SPOCK3: variants seen among roughly 807,000 people sequenced by gnomAD.
SPOCK3 encodes the protein testican-3.
A neutral mutation model predicts 56.6 loss-of-function variants in SPOCK3; 30 were observed. That is an observed-to-expected ratio of 0.53 (90% confidence interval 0.40 to 0.72). SPOCK3 has a LOEUF of 0.72. Ranked by LOEUF, SPOCK3 falls within the 30% of genes least tolerant of loss-of-function variation. The probability of loss-of-function intolerance (pLI) is 0.00; values close to 1 mark genes in which losing one functional copy is unlikely to be tolerated. For missense variants in SPOCK3, 527 were observed against 530.0 expected (o/e 0.99, Z 0.06); for synonymous variants, 196 against 183.3 (o/e 1.07, Z -0.56).
Position 166,852,954 on chromosome 4 carries a change from T to C in SPOCK3, c.589+36176A>G, listed in dbSNP as rs554835980. On this transcript the variant is annotated intron_variant, in intron 6 of 10. Coordinates refer to ENST00000357545, the MANE Select transcript of SPOCK3 (RefSeq NM_001040159.2). The stretch of plus-strand genomic sequence containing the variant: ...AGTATATGAACTGCCTGTAAAAGTC[T>C]GAATTAGTGAGACCACCTTTGGACT... Among the ~76,000 whole-genome samples, 7 of 152,326 alleles carry C rather than the reference T, an allele frequency of 4.6e-5. No homozygotes were observed. The South Asian group carries it at 1.4e-3, about 32-fold the overall frequency.
Position 167,144,995 on chromosome 4 carries a change from G to A in SPOCK3, c.190-82458C>T, listed in dbSNP as rs571266321. ...TATTTTCAGAAGGACCACTCGAAAT[G>A]CTGTTCAGAAAAAAAAAACTGTAAC... On this transcript the variant is annotated intron_variant, in intron 2 of 10. Transcript: ENST00000357545. 1.6e-4 allele frequency among the ~76,000 whole-genome samples: 25 copies of A among 151,734 alleles called. No homozygotes were observed. The East Asian group carries it at 4.7e-3, about 28-fold the overall frequency.
intron 6 of SPOCK3, among the ~76,000 whole-genome samples, chr4:166,860,231 G>A (rs752942981): frequency 6.6e-6 from 1 of 152,094 alleles, no homozygotes; most frequent in Non-Finnish European, 1.5e-5. Context: ...TAGCATTGAT[G>A]CCTATTTAGC....
At chr4:166,978,200 T>C (rs965997593) in intron 4 of SPOCK3, among the ~76,000 whole-genome samples, 1 of 152,188 alleles carries the variant, frequency 6.6e-6, no homozygotes, top group Non-Finnish European at 1.5e-5. Context: ...TAATTCTTAC[T>C]TCTCTTTCCA....
chr4:166,978,473 A>T lies in SPOCK3; in HGVS notation c.350+21876T>A, dbSNP rs10213651. ...TTTTAAGGTCAGAGATGAATAAAAA[A>T]CACAGATGAATTTATTTTGTGCTGC... On this transcript the variant is annotated intron_variant, in intron 4 of 10. Coordinates refer to ENST00000357545, the MANE Select transcript of SPOCK3 (RefSeq NM_001040159.2). Among the ~76,000 whole-genome samples the T allele has an allele frequency of 4.8e-3, 731 of 152,316 alleles. 4 individuals are homozygous for T. Among genetic ancestry groups the T allele is most frequent in the African/African-American group, 0.017 (698 of 41,578 alleles).
intron 6 of SPOCK3, among the ~76,000 whole-genome samples, chr4:166,868,017 G>A (rs914051607): frequency 6.6e-6 from 1 of 151,930 alleles, no homozygotes; most frequent in African/African-American, 2.4e-5. Flanking sequence ...TAAGTTTTGA[G>A]AATTTAAACT....
chr4:166,889,014 T>C (rs1734485888), intron 6 of SPOCK3, 116 bp downstream of exon 6: 1 of 671,644 alleles, frequency 1.5e-6, no homozygotes, highest in Non-Finnish European at 2.7e-6. Flanking sequence ...ATATAAATGA[T>C]ATTGGGTATT....
At position 167,116,909 on chromosome 4, in the gene SPOCK3, G is replaced by GTATATATATATATATATATATA. The variant is rs1446671235; in HGVS notation, c.190-54373_190-54372insTATATATATATATATATATATA. Among the ~76,000 whole-genome samples the GTATATATATATATATATATATA allele has an allele frequency of 3.7e-3, 461 of 123,198 alleles. 6 individuals carry two copies. Among genetic ancestry groups the GTATATATATATATATATATATA allele is most frequent in the Non-Finnish European group, 6.6e-3 (370 of 56,456 alleles). The allele number at this position is 123,198 out of a possible 152,430, so 80.8% of individuals were successfully genotyped here. ...TATACATATATACTTTTGTGTGTGTGTGTGTATATATATATATATATATAC... is the reference window on the plus strand; with the variant it reads ...TATACATATATACTTTTGTGTGTGTGTATATATATATATATATATATATGTGTATATATATATATATATATAC... On this transcript the variant is annotated intron_variant, in intron 2 of 10. Coordinates refer to ENST00000357545, the MANE Select transcript of SPOCK3 (RefSeq NM_001040159.2).
rs544600701 is a variant in SPOCK3, at chr4:167,226,538, C to T, written c.189+7447G>A. On this transcript the variant is annotated intron_variant, in intron 2 of 10. Coordinates refer to ENST00000357545, the MANE Select transcript of SPOCK3 (RefSeq NM_001040159.2). ...TGATTGAAAGAGCATAACCAGATAC[C>T]GTAGTTACCAACATTTTCTCCGAGT... 2.1e-4 allele frequency among the ~76,000 whole-genome samples: 32 copies of T among 152,168 alleles called. 1 individual carries two copies. The South Asian group carries it at 6.0e-3, about 29-fold the overall frequency.
At chr4:166,868,216 T>C (rs1380239524) in intron 6 of SPOCK3, among the ~76,000 whole-genome samples, 1 of 150,676 alleles carries the variant, frequency 6.6e-6, no homozygotes, top group Admixed American at 6.7e-5. Flanking sequence ...GATGGTGAGA[T>C]GGGAGGATCA....
At chr4:167,108,260 A>C (rs1207023411) in intron 2 of SPOCK3, among the ~76,000 whole-genome samples, 1 of 151,840 alleles carries the variant, frequency 6.6e-6, no homozygotes, top group African/African-American at 2.4e-5. Context: ...TCCTCAAAAA[A>C]CTAAAAATTG....
chr4:167,034,038 T>C (rs1362823059), intron 3 of SPOCK3, among the ~76,000 whole-genome samples: 2 of 151,930 alleles, frequency 1.3e-5, no homozygotes, highest in Non-Finnish European at 1.5e-5. Context: ...TTAACAGAAA[T>C]AGCCACTATC....
chr4:166,852,913 T>G (rs1730278644), intron 6 of SPOCK3, among the ~76,000 whole-genome samples: 1 of 152,178 alleles, frequency 6.6e-6, no homozygotes, highest in Non-Finnish European at 1.5e-5. Flanking sequence ...AATATTAACA[T>G]AACCATGAGA....
At chr4:167,080,229 A>G (rs76548849) in intron 2 of SPOCK3, among the ~76,000 whole-genome samples, 12,966 of 152,104 alleles carry the variant, frequency 0.085, 720 homozygotes, top group South Asian at 0.17. Flanking sequence ...ACAATTTGCC[A>G]TCAGTATTGT....
rs151209995 is a variant in SPOCK3 at position 166,786,646 on chromosome 4, A to G, written c.709+5524T>C. On this transcript the variant is annotated intron_variant, in intron 7 of 10. Transcript: ENST00000357545. ...TCTAAAGACTAACTTAAATATAACAAGTAGTCAATTCTTAGATGACTTATG... is the reference window on the plus strand; with the variant it reads ...TCTAAAGACTAACTTAAATATAACAGGTAGTCAATTCTTAGATGACTTATG... Among the ~76,000 whole-genome samples the G allele has an allele frequency of 2.9e-3, 439 of 152,346 alleles. 3 individuals carry two copies. Among genetic ancestry groups the G allele is most frequent in the African/African-American group, 9.8e-3 (406 of 41,586 alleles).
intron 7 of SPOCK3, among the ~76,000 whole-genome samples, chr4:166,780,954 A>T (rs79704660): frequency 0.024 from 3,679 of 152,228 alleles, 141 homozygotes; most frequent in African/African-American, 0.083. Flanking sequence ...GCACAAGGCA[A>T]CCCTATAGTT....
At chr4:166,990,396 A>T (rs1313041705) in intron 4 of SPOCK3, among the ~76,000 whole-genome samples, 2 of 78,824 alleles carry the variant, frequency 2.5e-5, no homozygotes, top group Non-Finnish European at 6.9e-5. Context: ...ATAATAAAAA[A>T]ATTAAAAAAA....
At chr4:166,911,718 A>C (rs1737295675) in intron 5 of SPOCK3, among the ~76,000 whole-genome samples, 1 of 151,752 alleles carries the variant, frequency 6.6e-6, no homozygotes, top group South Asian at 2.1e-4. Context: ...TTGTATTTTT[A>C]GTAGAGACGG....
chr4:167,231,497 A>T (rs974935723), intron 2 of SPOCK3, among the ~76,000 whole-genome samples: 18 of 152,158 alleles, frequency 1.2e-4, no homozygotes, highest in African/African-American at 4.3e-4. Context: ...AAGTGAGTAC[A>T]TAAATCATTA....
intron 6 of SPOCK3, among the ~76,000 whole-genome samples, chr4:166,877,102 T>TA (rs765189857): frequency 5.1e-4 from 77 of 152,302 alleles, no homozygotes; most frequent in Non-Finnish European, 8.5e-4. Flanking sequence ...TGGCTACCTC[T>TA]AATCAATAAA....
Sources: gnomAD v4.1 joint callset for allele counts (sites outside exome capture counted in the v4.1 genomes callset) on GRCh38, gnomAD v4.1.1 for gene constraint, MANE v1.5 for transcripts, NCBI Gene and HGNC (gene_info 2026-07-23, HGNC 2026-07-21) for gene names.